Variants in TLE4 observed in about 807,000 individuals in gnomAD.
The protein encoded by TLE4 is transducin-like enhancer protein 4.
In TLE4, 8 loss-of-function variants were observed where a neutral mutation model predicts 92.8. The observed-to-expected ratio is 0.09, with a 90% CI of 0.05 to 0.16. TLE4 has a LOEUF of 0.16. Ranked by LOEUF, TLE4 falls within the 10% of genes least tolerant of loss-of-function variation. The pLI, the probability that TLE4 is intolerant of heterozygous loss-of-function variation, is 1.00. For synonymous variants in TLE4, 371 were observed against 374.1 expected, an observed-to-expected ratio of 0.99 and a Z score of 0.10; for missense variants, 675 against 997.6, an observed-to-expected ratio of 0.68 and a Z score of 4.36.
intron 8 of TLE4, among the ~76,000 whole-genome samples, chr9:79,678,985 T>C (rs1388483585): frequency 6.6e-6 from 1 of 152,168 alleles, no homozygotes; most frequent in Non-Finnish European, 1.5e-5. Context: ...TATTCCATGA[T>C]GTATATGTGC....
chr9:79,607,370 A>C (rs1384855689), intron 4 of TLE4, among the ~76,000 whole-genome samples: 1 of 152,036 alleles, frequency 6.6e-6, no homozygotes, highest in African/African-American at 2.4e-5. Context: ...GAAGCTCTTT[A>C]GTTTAATTAG....
chr9:79,591,216 T>C (rs533051550), intron 4 of TLE4, among the ~76,000 whole-genome samples: 46 of 152,270 alleles, frequency 3.0e-4, no homozygotes, highest in African/African-American at 1.1e-3. Flanking sequence ...AAGGGGGTCT[T>C]TCTGGCTCCT....
At chr9:79,693,387 G>A (rs570182835) in intron 8 of TLE4, among the ~76,000 whole-genome samples, 1 of 152,150 alleles carries the variant, frequency 6.6e-6, no homozygotes, top group South Asian at 2.1e-4. Context: ...AAGGTCAGTG[G>A]GTATCTGTTT....
chr9:79,620,777 T>C (rs989425543), intron 5 of TLE4, among the ~76,000 whole-genome samples: 2 of 152,230 alleles, frequency 1.3e-5, no homozygotes, highest in African/African-American at 2.4e-5. Context: ...TATTGGCTCA[T>C]GGTTCTGTAG....
At chr9:79,692,572 C>T (rs1303952860) in intron 8 of TLE4, among the ~76,000 whole-genome samples, 9 of 152,066 alleles carry the variant, frequency 5.9e-5, no homozygotes, top group Admixed American at 5.2e-4. Context: ...TTAGTTTGTT[C>T]GGGGTGCTAT....
At chr9:79,703,446 G>T (rs532719956) in intron 8 of TLE4, among the ~76,000 whole-genome samples, 1 of 152,180 alleles carries the variant, frequency 6.6e-6, no homozygotes, top group Non-Finnish European at 1.5e-5. Flanking sequence ...CTAGGCAGTT[G>T]TTAAGATTGT....
chr9:79,608,844 C>T (rs1021774948), intron 4 of TLE4, among the ~76,000 whole-genome samples: 1 of 151,848 alleles, frequency 6.6e-6, no homozygotes, highest in East Asian at 1.9e-4. Context: ...GTACTTTCAC[C>T]CAAGTTTATT....
chr9:79,674,403 C>G (rs2062912689), intron 8 of TLE4, among the ~76,000 whole-genome samples: 1 of 152,152 alleles, frequency 6.6e-6, no homozygotes, highest in Admixed American at 6.6e-5. Flanking sequence ...AGTTAGTCTT[C>G]AGAGCCCATG....
At position 79,630,196 on chromosome 9, in the gene TLE4, C is replaced by G. The variant is rs539508950; in HGVS notation, c.390+2748C>G. On this transcript the variant is annotated intron_variant, in intron 6 of 19. Transcript: ENST00000376552. ...GAAATCTGATGAAGCACCTTTTTAA[C>G]TCTGCAATATTATTCTACCTTCATT... Among the ~76,000 whole-genome samples, 3 of 152,284 alleles carry G rather than the reference C, an allele frequency of 2.0e-5. No individual in the cohort carries two copies. The South Asian group carries it at 6.2e-4, about 32-fold the overall frequency.
intron 8 of TLE4, chr9:79,671,375 G>A (rs1434723928): frequency 4.9e-6 from 2 of 410,346 alleles, no homozygotes; most frequent in East Asian, 7.3e-5. Flanking sequence ...CGAGCTCAAC[G>A]AGTGGCCCGA....
chr9:79,652,875 C>A, intron 7 of TLE4, 81 bp downstream of exon 7: 2 of 1,434,520 alleles, frequency 1.4e-6, no homozygotes, highest in Non-Finnish European at 2.0e-6. Flanking sequence ...TGTTTATTCT[C>A]TCTGAATTTA....
At chr9:79,630,369 C>T (rs1159256824) in intron 6 of TLE4, among the ~76,000 whole-genome samples, 1 of 152,120 alleles carries the variant, frequency 6.6e-6, no homozygotes, top group Non-Finnish European at 1.5e-5. Flanking sequence ...TTTCACAGGT[C>T]ATGTTCAGTT....
chr9:79,655,787 A>C (rs2059694657), intron 8 of TLE4, among the ~76,000 whole-genome samples: 1 of 152,220 alleles, frequency 6.6e-6, no homozygotes, highest in African/African-American at 2.4e-5. Flanking sequence ...CATAATATAA[A>C]CATTCCCTGC....
chr9:79,603,423 C>T (rs1169795699), intron 4 of TLE4, among the ~76,000 whole-genome samples: 1 of 152,158 alleles, frequency 6.6e-6, no homozygotes, highest in Non-Finnish European at 1.5e-5. Flanking sequence ...CCAAAACCCT[C>T]TGTCAGCAAA....
At chr9:79,608,152 T>C (rs572686557) in intron 4 of TLE4, among the ~76,000 whole-genome samples, 3 of 152,232 alleles carry the variant, frequency 2.0e-5, no homozygotes, top group South Asian at 4.1e-4. Flanking sequence ...TTACATGTTA[T>C]TAACACTTTT....
intron 6 of TLE4, among the ~76,000 whole-genome samples, chr9:79,645,532 CAGAA>C (rs1334642740): frequency 2.0e-5 from 3 of 152,136 alleles, no homozygotes; most frequent in African/African-American, 2.4e-5. Context: ...TTTTTGCTGA[CAGAA>C]AGACAACATT....
chr9:79,627,269 A>G (rs1200643934), intron 5 of TLE4, 105 bp from the exon 6 acceptor site: 3 of 1,133,170 alleles, frequency 2.6e-6, no homozygotes, highest in South Asian at 1.3e-5. Context: ...GATCCCCCAA[A>G]TGCTGTTTTG....
At chr9:79,633,167 C>G (rs1278056590) in intron 6 of TLE4, among the ~76,000 whole-genome samples, 1 of 152,126 alleles carries the variant, frequency 6.6e-6, no homozygotes, top group Admixed American at 6.6e-5. Context: ...AATTTCCCTT[C>G]TCTCATAACA....
In TLE4 at chr9:79,572,760, C is replaced by G; in HGVS notation, c.-31C>G. ...ATTAAAGCCAATGAGCCGCGCGCCT[C>G]TGCCGAGCGCAGCCAACTAAATCGG... On this transcript the variant is annotated 5_prime_UTR_variant, in exon 1 of 20. Coordinates refer to ENST00000376552, the MANE Select transcript of TLE4 (RefSeq NM_007005.6). 6.3e-7 allele frequency: 1 copy of G among 1,594,660 alleles called. No homozygotes were observed. The highest frequency in any genetic ancestry group is 8.5e-7 in the Non-Finnish European group (1 of 1,171,622).
Sources: allele counts gnomAD v4.1 joint callset (sites outside exome capture counted in the v4.1 genomes callset), GRCh38; gene constraint gnomAD v4.1.1; transcripts MANE v1.5; gene names NCBI Gene and HGNC (gene_info 2026-07-23, HGNC 2026-07-21).